Variants in BET1 observed in about 807,000 individuals in gnomAD.
BET1 encodes the protein Bet1 golgi vesicular membrane trafficking protein.
A neutral mutation model predicts 13.9 loss-of-function variants in BET1; 9 were observed. The observed-to-expected ratio is 0.65, with a 90% CI of 0.39 to 1.13. The LOEUF (loss-of-function observed/expected upper bound fraction) is 1.13, where lower values mean the gene tolerates loss of function less well. Ranked by LOEUF, BET1 falls within the 50% of genes most tolerant of loss-of-function variation. The pLI, the probability that BET1 is intolerant of heterozygous loss-of-function variation, is 0.01. For missense variants in BET1, 127 were observed against 133.6 expected, an observed-to-expected ratio of 0.95 and a Z score of 0.24; for synonymous variants, 39 against 47.3, an observed-to-expected ratio of 0.82 and a Z score of 0.72.
intron 4 of BET1, among the ~76,000 whole-genome samples, chr7:93,986,692 C>T (rs1269360813): frequency 1.3e-5 from 2 of 152,140 alleles, no homozygotes; most frequent in African/African-American, 4.8e-5. Flanking sequence ...CTAAGGTCAA[C>T]AATGGAAAAC....
In BET1 at chr7:94,004,322, C is replaced by G; in HGVS notation, c.-106G>C. On this transcript the variant is annotated 5_prime_UTR_variant, in exon 1 of 4. Transcript: ENST00000222547. Reference sequence around the variant, plus strand: ...TTCAGTACCAGGGCCCAGCGAAACACCAACTTCTTCCCCTAAAGCGCCACG... The same window carrying G: ...TTCAGTACCAGGGCCCAGCGAAACAGCAACTTCTTCCCCTAAAGCGCCACG... 1 of 1,465,618 alleles carries G rather than the reference C, an allele frequency of 6.8e-7. No homozygotes were observed. The highest frequency in any genetic ancestry group is 9.5e-7 in the Non-Finnish European group (1 of 1,047,598). The allele number at this position is 1,465,618 out of a possible 1,614,324, so 90.8% of individuals were successfully genotyped here.
At chr7:93,983,238 A>T (rs1324086007) in intron 4 of BET1, among the ~76,000 whole-genome samples, 1 of 152,146 alleles carries the variant, frequency 6.6e-6, no homozygotes, top group East Asian at 1.9e-4. Context: ...ATTCTTCCCA[A>T]TTCTAGTTGG....
intron 6 of BET1, chr7:93,968,392 A>C (rs914710382): frequency 6.6e-6 from 1 of 151,842 alleles, no homozygotes; most frequent in African/African-American, 2.4e-5. Flanking sequence ...GGAAGTAGGA[A>C]CTTAATATTC....
intron 1 of BET1, among the ~76,000 whole-genome samples, chr7:94,001,336 C>T (rs182253162): frequency 6.6e-6 from 1 of 152,272 alleles, no homozygotes; most frequent in African/African-American, 2.4e-5. Context: ...TGTTATTGAA[C>T]TTTGAATGTG....
At position 93,996,218 on chromosome 7, in the gene BET1, G is replaced by A. The variant is rs747224764; in HGVS notation, c.201+47C>T. 60 of 1,332,292 alleles carry A rather than the reference G, an allele frequency of 4.5e-5. 1 individual carries two copies. The South Asian group carries it at 5.0e-4, about 11-fold the overall frequency. 82.5% of individuals were successfully genotyped at this position (1,332,292 alleles called of 1,614,324 possible). A position where few individuals can be genotyped will look rare whatever the true frequency, so the allele number is the denominator to read the frequency against. The stretch of plus-strand genomic sequence containing the variant: ...AATAAAAGTTGAAATTCTATTATTT[G>A]CGAATATTAGATCAAATTTCTTAAA... On this transcript the variant is annotated intron_variant, in intron 3 of 3. Coordinates refer to ENST00000222547, the MANE Select transcript of BET1 (RefSeq NM_005868.6).
In BET1 at chr7:93,995,229, G is replaced by C. The variant is rs184594215; in HGVS notation, c.202-844C>G. Among the ~76,000 whole-genome samples the C allele has an allele frequency of 3.3e-5, 5 of 152,244 alleles. No individual in the cohort carries two copies. The East Asian group carries it at 9.6e-4, about 29-fold the overall frequency. ...TTAAGTTAAGAGAATATCATATAGAGGTAGTAAAATGTGATAAGGACTATA... is the reference window on the plus strand; with the variant it reads ...TTAAGTTAAGAGAATATCATATAGACGTAGTAAAATGTGATAAGGACTATA... On this transcript the variant is annotated intron_variant, in intron 3 of 3. Coordinates refer to ENST00000222547, the MANE Select transcript of BET1 (RefSeq NM_005868.6).
downstream of BET1, among the ~76,000 whole-genome samples, chr7:93,989,686 T>C (rs183017897): frequency 1.8e-3 from 269 of 152,348 alleles, no homozygotes; most frequent in South Asian, 3.9e-3. Flanking sequence ...TGCTCAGTTT[T>C]CACTGAGCCT....
intron 1 of BET1, among the ~76,000 whole-genome samples, chr7:94,002,195 T>C (rs968554749): frequency 1.3e-5 from 2 of 152,198 alleles, no homozygotes; most frequent in African/African-American, 4.8e-5. Flanking sequence ...TAAACGCTAC[T>C]TTTTTGGATA....
chr7:93,979,129 T>C (rs1175775414), intron 4 of BET1, among the ~76,000 whole-genome samples: 1 of 152,192 alleles, frequency 6.6e-6, no homozygotes, highest in African/African-American at 2.4e-5. Context: ...GTCTGCATTC[T>C]GAGCCTACAT....
At chr7:93,997,938 A>G (rs1241105441) in intron 2 of BET1, among the ~76,000 whole-genome samples, 1 of 152,242 alleles carries the variant, frequency 6.6e-6, no homozygotes, top group African/African-American at 2.4e-5. Context: ...TCTTATGTTC[A>G]TAAGAAGAAA....
At chr7:93,976,035 C>T (rs1400057589) in exon 5 of BET1, 1 of 1,279,232 alleles carries the variant, frequency 7.8e-7, no homozygotes, top group South Asian at 1.3e-5. Flanking sequence ...TGCTGAGGAA[C>T]AGTCAAAATT....
At chr7:94,003,489 T>A (rs1408595690) in intron 1 of BET1, among the ~76,000 whole-genome samples, 1 of 152,138 alleles carries the variant, frequency 6.6e-6, no homozygotes, top group Non-Finnish European at 1.5e-5. Flanking sequence ...AAGAGAAAGC[T>A]TCAGAACCAG....
intron 4 of BET1, chr7:93,976,167 A>AAT: frequency 1.9e-6 from 2 of 1,050,612 alleles, no homozygotes; most frequent in Non-Finnish European, 2.4e-6. Flanking sequence ...CAACATTTAA[A>AAT]GTAGAAGTAA....
intron 6 of BET1, among the ~76,000 whole-genome samples, chr7:93,966,829 G>A (rs895215735): frequency 1.3e-5 from 2 of 151,714 alleles, no homozygotes; most frequent in African/African-American, 4.8e-5. Context: ...CCTTCCCTGG[G>A]ACTTCTCTAC....
intron 1 of BET1, among the ~76,000 whole-genome samples, chr7:94,000,727 C>A (rs1382695386): frequency 1.3e-5 from 2 of 152,098 alleles, no homozygotes; most frequent in Non-Finnish European, 2.9e-5. Flanking sequence ...GAGGTTGAGA[C>A]TGCTTGCCAA....
intron 3 of BET1, among the ~76,000 whole-genome samples, chr7:93,994,839 T>C (rs1795726857): frequency 6.6e-6 from 1 of 151,326 alleles, no homozygotes; most frequent in South Asian, 2.1e-4. Flanking sequence ...TAAATGTACT[T>C]TTATTTACTT....
At chr7:93,993,024 C>G (rs186510990), downstream of BET1, 89 of 983,778 alleles carry the variant, frequency 9.0e-5, no homozygotes, top group African/African-American at 1.6e-3. Context: ...TAGGGATGAA[C>G]AAAAAGAATT....
At chr7:93,983,567 G>T (rs1001448443) in intron 4 of BET1, among the ~76,000 whole-genome samples, 13 of 152,102 alleles carry the variant, frequency 8.5e-5, no homozygotes, top group Non-Finnish European at 1.9e-4. Context: ...GATGAGCCAT[G>T]ACTCTGTACA....
intron 1 of BET1, chr7:93,999,857 G>A (rs1336008002): frequency 5.6e-6 from 2 of 356,486 alleles, no homozygotes; most frequent in Non-Finnish European, 1.1e-5. Context: ...CTAGCTGAGA[G>A]TCAAGAGGGA....
Sources: gnomAD v4.1 joint callset for allele counts (sites outside exome capture counted in the v4.1 genomes callset) on GRCh38, gnomAD v4.1.1 for gene constraint, MANE v1.5 for transcripts, NCBI Gene and HGNC (gene_info 2026-07-23, HGNC 2026-07-21) for gene names.